The following EPHX2 variants were observed in gnomAD, a reference collection of about 807,000 sequenced individuals.
EPHX2 encodes epoxide hydrolase 2.
A neutral mutation model predicts 78.7 loss-of-function variants in EPHX2; 74 were observed. The observed-to-expected ratio is 0.94, with a 90% CI of 0.78 to 1.14. The LOEUF is 1.14. Ranked by LOEUF, EPHX2 falls within the 50% of genes most tolerant of loss-of-function variation. The pLI, the probability that EPHX2 is intolerant of heterozygous loss-of-function variation, is 0.00. For missense variants in EPHX2, 715 were observed against 702.5 expected (o/e 1.02, Z -0.20); for synonymous variants, 251 against 255.2 (o/e 0.98, Z 0.16).
At chr8:27,532,059 A>T (rs1293445576) in intron 12 of EPHX2, among the ~76,000 whole-genome samples, 1 of 152,018 alleles carries the variant, frequency 6.6e-6, no homozygotes, top group Non-Finnish European at 1.5e-5. Context: ...AATTGAGAGG[A>T]TGAGGGAAGT....
chr8:27,541,872 G>A (rs1563364892), intron 16 of EPHX2, among the ~76,000 whole-genome samples: 1 of 152,114 alleles, frequency 6.6e-6, no homozygotes, highest in Non-Finnish European at 1.5e-5. Flanking sequence ...TCCCAGAAGT[G>A]ACATGGATAC....
intron 11 of EPHX2, among the ~76,000 whole-genome samples, chr8:27,523,174 C>G (rs769673202): frequency 5.9e-5 from 9 of 152,138 alleles, no homozygotes; most frequent in African/African-American, 1.2e-4. Flanking sequence ...GGCCTTCGGT[C>G]TGCCCTGATC....
chr8:27,494,865 A>C (rs1168748268), intron 1 of EPHX2, among the ~76,000 whole-genome samples: 1 of 152,180 alleles, frequency 6.6e-6, no homozygotes, highest in Non-Finnish European at 1.5e-5. Context: ...AACCACCTGG[A>C]GGGGAGAAAA....
rs1813953922 is a variant in EPHX2, at chr8:27,505,141, A to G, written c.532A>G (p.Ser178Gly). Reference sequence around the variant, plus strand: ...GCTGGACACCCTGAAGGCCAGCCCCAGTGAGGTACGGAGACACTTCCTTAT... The same window carrying G: ...GCTGGACACCCTGAAGGCCAGCCCCGGTGAGGTACGGAGACACTTCCTTAT... ...FLLDTLKASP[S>G]EVVFLDDIGA... is the part of the protein sequence containing the mutation. The change falls in exon 4 of 19, where the codon AGT (serine) becomes GGT (glycine). Residue 178 changes from serine (S) to glycine (G), a missense_variant. Coordinates refer to ENST00000521400, the MANE Select transcript of EPHX2 (RefSeq NM_001979.6). 1.9e-6 allele frequency: 3 copies of G among 1,613,702 alleles called. No homozygotes were observed. Among genetic ancestry groups the G allele is most frequent in the South Asian group, 1.1e-5 (1 of 91,026 alleles).
intron 4 of EPHX2, among the ~76,000 whole-genome samples, chr8:27,505,450 G>A (rs1813967506): frequency 6.6e-6 from 1 of 152,152 alleles, no homozygotes; most frequent in Non-Finnish European, 1.5e-5. Context: ...GATCCTGGGA[G>A]ACTTGCAAGG....
At chr8:27,533,473 G>A (rs1815112317) in intron 12 of EPHX2, among the ~76,000 whole-genome samples, 1 of 152,202 alleles carries the variant, frequency 6.6e-6, no homozygotes, top group South Asian at 2.1e-4. Context: ...TCAGCTAAGT[G>A]CATAAGCAGA....
At chr8:27,529,113 T>C (rs1012116490) in intron 12 of EPHX2, among the ~76,000 whole-genome samples, 3 of 152,206 alleles carry the variant, frequency 2.0e-5, no homozygotes, top group African/African-American at 7.2e-5. Flanking sequence ...GGGTCATCTC[T>C]GCTGAGCACT....
chr8:27,543,406 G>A (rs924459526), intron 16 of EPHX2, among the ~76,000 whole-genome samples: 5 of 152,018 alleles, frequency 3.3e-5, no homozygotes, highest in East Asian at 1.9e-4. Flanking sequence ...AACCTTGGTC[G>A]CCCCTTTTAA....
chr8:27,544,248 A>T lies in EPHX2; in HGVS notation c.1589+4A>T, dbSNP rs1453446152. 1 of 1,614,186 alleles carries T rather than the reference A, an allele frequency of 6.2e-7. No homozygotes were observed. The highest frequency in any genetic ancestry group is 2.2e-5 in the East Asian group (1 of 44,880). On this transcript the variant is annotated splice_donor_region_variant and intron_variant, in intron 18 of 18. Coordinates refer to ENST00000521400, the MANE Select transcript of EPHX2 (RefSeq NM_001979.6). ...GGCACTGGACACAGATGGACAAGTA[A>T]GGAGGTTGGGGGCTCCTGGGGTCGG...
intron 2 of EPHX2, among the ~76,000 whole-genome samples, chr8:27,501,384 CTT>C (rs1393754328): frequency 1.2e-3 from 119 of 102,558 alleles, no homozygotes; most frequent in African/African-American, 1.5e-3. Flanking sequence ...TCTTCTTCTT[CTT>C]CTTCTTCTTT....
At chr8:27,515,269 T>G (rs573599388) in intron 6 of EPHX2, among the ~76,000 whole-genome samples, 1 of 152,296 alleles carries the variant, frequency 6.6e-6, no homozygotes, top group East Asian at 1.9e-4. Context: ...TTCATGACCT[T>G]GGGAACAAGA....
intron 6 of EPHX2, 71 bp from the exon 7 acceptor site, chr8:27,515,647 C>T: frequency 7.6e-7 from 1 of 1,310,222 alleles, no homozygotes; most frequent in South Asian, 1.2e-5. Flanking sequence ...TGGCATTCTG[C>T]AGACGCTGTG....
chr8:27,509,047 C>G (rs1383404101), intron 5 of EPHX2, among the ~76,000 whole-genome samples: 1 of 150,352 alleles, frequency 6.7e-6, no homozygotes, highest in Non-Finnish European at 1.5e-5. Context: ...GTGTCCTGGC[C>G]CCTGGCAACC....
chr8:27,491,811 A>G (rs1261641022), intron 1 of EPHX2, among the ~76,000 whole-genome samples: 1 of 152,200 alleles, frequency 6.6e-6, no homozygotes, highest in Non-Finnish European at 1.5e-5. Context: ...CCCCACCAGA[A>G]TCTGAAGCTA....
chr8:27,544,752 C>G lies in EPHX2; in HGVS notation c.*230C>G. ...AGTTCTCCAGGCATGAATGCATCGT[C>G]CCTTTATCTGTAAGAACCCTTAGTG... is the stretch of plus-strand genomic sequence containing the variant. On this transcript the variant is annotated 3_prime_UTR_variant, in exon 19 of 19. Coordinates refer to ENST00000521400, the MANE Select transcript of EPHX2 (RefSeq NM_001979.6). The G allele has an allele frequency of 1.8e-6, 1 of 566,708 alleles. No individual in the cohort carries two copies. The highest frequency in any genetic ancestry group is 2.2e-5 in the South Asian group (1 of 45,042). The allele number at this position is 566,708 out of a possible 1,614,324, so 35.1% of individuals were successfully genotyped here.
At chr8:27,540,760 C>T (rs1019790728) in intron 15 of EPHX2, 104 bp downstream of exon 15, 1 of 1,073,784 alleles carries the variant, frequency 9.3e-7, no homozygotes, top group African/African-American at 1.6e-5. Flanking sequence ...CCACCACAGC[C>T]CTCGTTAGTG....
At chr8:27,511,160 A>G (rs1415399156) in intron 5 of EPHX2, among the ~76,000 whole-genome samples, 3 of 152,210 alleles carry the variant, frequency 2.0e-5, no homozygotes, top group Admixed American at 2.0e-4. Context: ...TTGAAACCAC[A>G]TAAACTGGTA....
chr8:27,493,407 G>T (rs763948284), intron 1 of EPHX2, among the ~76,000 whole-genome samples: 2 of 152,212 alleles, frequency 1.3e-5, no homozygotes, highest in African/African-American at 2.4e-5. Context: ...TAGCGGTTTT[G>T]GAGAGTCACT....
At chr8:27,494,445 A>G (rs946353663) in intron 1 of EPHX2, among the ~76,000 whole-genome samples, 2 of 152,192 alleles carry the variant, frequency 1.3e-5, no homozygotes, top group Admixed American at 1.3e-4. Context: ...GGGAAGCCCA[A>G]ATCTAGGAAT....
Sources: gnomAD v4.1 joint callset for allele counts (sites outside exome capture counted in the v4.1 genomes callset) on GRCh38, gnomAD v4.1.1 for gene constraint, MANE v1.5 for transcripts, NCBI Gene and HGNC (gene_info 2026-07-23, HGNC 2026-07-21) for gene names.